The following LRRIQ1 variants were observed in gnomAD, a reference collection of about 807,000 sequenced individuals.
LRRIQ1 encodes leucine-rich repeat- and IQ domain-containing protein 1.
In LRRIQ1, 210 loss-of-function variants were observed where a neutral mutation model predicts 211.9. The observed-to-expected ratio is 0.99, with a 90% CI of 0.89 to 1.11. The LOEUF (loss-of-function observed/expected upper bound fraction) is 1.11. Ranked by LOEUF, LRRIQ1 falls within the 50% of genes most tolerant of loss-of-function variation. The probability of loss-of-function intolerance (pLI) is 0.00; values close to 1 mark genes in which losing one functional copy is unlikely to be tolerated. For missense variants in LRRIQ1, 2,136 were observed against 1,939.5 expected (o/e 1.10, Z -1.90); for synonymous variants, 699 against 650.1 (o/e 1.08, Z -1.14).
At chr12:85,216,918 T>C (rs1217522383) in intron 24 of LRRIQ1, among the ~76,000 whole-genome samples, 1 of 152,016 alleles carries the variant, frequency 6.6e-6, no homozygotes, top group Non-Finnish European at 1.5e-5. Flanking sequence ...AACTCTTAAA[T>C]ATTCAGCCAG....
Position 85,046,094 on chromosome 12 carries a change from G to A in LRRIQ1, c.411G>A (p.Glu137=), listed in dbSNP as rs778273113. ...TDCATPDFVP[E]PSPHDLPMDE... ...GTGCCACTCCTGATTTTGTTCCTGA[G>A]CCTAGTCCTCATGACTTGCCTATGG... The change falls in exon 5 of 27, where the codon GAG becomes GAA. Residue 137 remains glutamate (E), a synonymous_variant. Coordinates refer to ENST00000393217, the MANE Select transcript of LRRIQ1 (RefSeq NM_001079910.2). 3 of 1,610,912 alleles carry A rather than the reference G, an allele frequency of 1.9e-6. No individual in the cohort carries two copies. The highest frequency in any genetic ancestry group is 2.2e-5 in the East Asian group (1 of 44,718).
chr12:85,270,429 A>T, the LRRIQ1 span, among the ~76,000 whole-genome samples: 9 of 152,062 alleles, frequency 5.9e-5, no homozygotes, highest in Non-Finnish European at 1.3e-4. Context: ...GGGTAAACAC[A>T]CTTACCTTAA....
At chr12:85,110,686 T>G (rs1887110233) in intron 15 of LRRIQ1, among the ~76,000 whole-genome samples, 1 of 152,130 alleles carries the variant, frequency 6.6e-6, no homozygotes, top group Admixed American at 6.6e-5. Context: ...ACACTTTTAG[T>G]TAAACCTCAG....
At chr12:85,256,236 A>C (rs1396303589) in intron 1 of LRRIQ1, among the ~76,000 whole-genome samples, 1 of 151,708 alleles carries the variant, frequency 6.6e-6, no homozygotes, top group Non-Finnish European at 1.5e-5. Context: ...TTTATTAAAA[A>C]TTTAACATTT....
At chr12:85,271,738 A>C in the LRRIQ1 span, among the ~76,000 whole-genome samples, 1 of 151,984 alleles carries the variant, frequency 6.6e-6, no homozygotes, top group Non-Finnish European at 1.5e-5. Context: ...TATTGTTTGA[A>C]CCCCATAAGC....
At chr12:85,192,804 ATAAT>A (rs1324601748) in intron 24 of LRRIQ1, among the ~76,000 whole-genome samples, 1 of 105,518 alleles carries the variant, frequency 9.5e-6, no homozygotes, top group Non-Finnish European at 1.7e-5. Flanking sequence ...GTTATATACT[ATAAT>A]TATATATAAA....
rs1565834052 is a variant in LRRIQ1, at chr12:85,102,951, A to AT, written c.3210-1053_3210-1052insT. On this transcript the variant is annotated intron_variant, in intron 13 of 26. Coordinates refer to ENST00000393217, the MANE Select transcript of LRRIQ1 (RefSeq NM_001079910.2). ...AGGCTTTTCTAATTGTGGCAAAAAAAAAAAAAAAATATATATATATATATA... is the reference window on the plus strand; with the variant it reads ...AGGCTTTTCTAATTGTGGCAAAAAAATAAAAAAAAATATATATATATATATA... Among the ~76,000 whole-genome samples the AT allele has an allele frequency of 5.6e-4, 65 of 116,794 alleles. 1 individual carries two copies. The highest frequency in any genetic ancestry group is 2.0e-3 in the African/African-American group (54 of 27,154). The allele number at this position is 116,794 out of a possible 152,430, so 76.6% of individuals were successfully genotyped here. A position where few individuals can be genotyped will look rare whatever the true frequency, so the allele number is the denominator to read the frequency against.
chr12:85,080,327 T>A (rs1287836984), intron 11 of LRRIQ1, among the ~76,000 whole-genome samples: 1 of 152,014 alleles, frequency 6.6e-6, no homozygotes, highest in Non-Finnish European at 1.5e-5. Context: ...CTGTATTCAA[T>A]GTTGAAAAAT....
chr12:85,261,877 G>C (rs529820039), intron 1 of LRRIQ1, among the ~76,000 whole-genome samples: 70 of 151,580 alleles, frequency 4.6e-4, no homozygotes, highest in Non-Finnish European at 9.0e-4. Context: ...GCAACCCTCC[G>C]CCTCCCAGGT....
intron 16 of LRRIQ1, among the ~76,000 whole-genome samples, 194 bp from the exon 17 acceptor site, chr12:85,123,876 T>C (rs1225505960): frequency 6.6e-6 from 1 of 152,154 alleles, no homozygotes; most frequent in Non-Finnish European, 1.5e-5. Flanking sequence ...CTAAATTAAC[T>C]AAACAAATGT....
chr12:85,119,124 A>T (rs1003170211), intron 15 of LRRIQ1, among the ~76,000 whole-genome samples: 3 of 152,116 alleles, frequency 2.0e-5, no homozygotes, highest in African/African-American at 7.2e-5. Context: ...TAGTATGATA[A>T]ACTATAGTTT....
chr12:85,219,252 A>G (rs541324101), intron 24 of LRRIQ1, among the ~76,000 whole-genome samples: 26 of 152,268 alleles, frequency 1.7e-4, no homozygotes, highest in African/African-American at 5.5e-4. Context: ...TGAACAATAT[A>G]CATGGCAAAA....
intron 1 of LRRIQ1, among the ~76,000 whole-genome samples, chr12:85,254,914 T>C (rs1339741410): frequency 6.6e-6 from 1 of 151,956 alleles, no homozygotes; most frequent in Non-Finnish European, 1.5e-5. Context: ...TTTAGCAAGA[T>C]AAGTAAAGGA....
chr12:85,190,897 G>A (rs544119933), intron 24 of LRRIQ1, among the ~76,000 whole-genome samples: 1 of 151,936 alleles, frequency 6.6e-6, no homozygotes, highest in African/African-American at 2.4e-5. Context: ...CTCATGTATT[G>A]TCTCTGTGAT....
At chr12:85,192,193 A>C (rs1192736674) in intron 24 of LRRIQ1, among the ~76,000 whole-genome samples, 3 of 150,466 alleles carry the variant, frequency 2.0e-5, no homozygotes, top group South Asian at 2.1e-4. Context: ...GATGTCTGCT[A>C]TTCTCTTCTT....
At chr12:85,189,845 TTA>T (rs1201077028) in intron 24 of LRRIQ1, among the ~76,000 whole-genome samples, 2 of 145,402 alleles carry the variant, frequency 1.4e-5, no homozygotes, top group Non-Finnish European at 1.5e-5. Context: ...TATTATTGAA[TTA>T]TATATTATAA....
At chr12:85,121,368 C>T (rs769578491) in intron 15 of LRRIQ1, among the ~76,000 whole-genome samples, 45 of 152,048 alleles carry the variant, frequency 3.0e-4, no homozygotes, top group Non-Finnish European at 5.3e-4. Flanking sequence ...AAAAGTTTAT[C>T]TAATATTATT....
chr12:85,165,800 T>A (rs555831855), intron 24 of LRRIQ1, among the ~76,000 whole-genome samples: 100 of 152,190 alleles, frequency 6.6e-4, no homozygotes, highest in African/African-American at 2.0e-3. Flanking sequence ...TCCATAGTAT[T>A]CCATGGTATA....
At chr12:85,038,930 G>T in intron 2 of LRRIQ1, among the ~76,000 whole-genome samples, 1 of 150,886 alleles carries the variant, frequency 6.6e-6, no homozygotes, top group East Asian at 1.9e-4. Flanking sequence ...TTGTATATTT[G>T]TAAATATTGA....
Sources: gnomAD v4.1 joint callset for allele counts (sites outside exome capture counted in the v4.1 genomes callset) on GRCh38, gnomAD v4.1.1 for gene constraint, MANE v1.5 for transcripts, NCBI Gene and HGNC (gene_info 2026-07-23, HGNC 2026-07-21) for gene names.